The following CERT1 variants were observed in gnomAD, a reference collection of about 807,000 sequenced individuals.
CERT1 encodes ceramide transfer protein.
Under a neutral mutation model 87.9 loss-of-function variants are expected in CERT1, and 31 were observed. The ratio of observed to expected loss-of-function variants is 0.35; its 90% CI spans 0.27 to 0.48. CERT1 has a LOEUF of 0.48. Among genes scored for constraint, CERT1 ranks in the 20% least tolerant of loss-of-function variants. The probability of loss-of-function intolerance (pLI) is 0.99; values close to 1 mark genes in which losing one functional copy is unlikely to be tolerated. For synonymous variants in CERT1, 289 were observed against 250.9 expected, an observed-to-expected ratio of 1.15 and a Z score of -1.44; for missense variants, 487 against 758.0, an observed-to-expected ratio of 0.64 and a Z score of 4.20.
intron 1 of CERT1, among the ~76,000 whole-genome samples, chr5:75,507,765 G>T (rs1279453260): frequency 6.6e-6 from 1 of 152,094 alleles, no homozygotes; most frequent in Non-Finnish European, 1.5e-5. Flanking sequence ...GTAAACTTCA[G>T]TTTCTTTGCC....
At chr5:75,484,210 G>A (rs891052872) in intron 2 of CERT1, among the ~76,000 whole-genome samples, 4 of 149,894 alleles carry the variant, frequency 2.7e-5, no homozygotes, top group Admixed American at 6.7e-5. Flanking sequence ...TGGTAACATC[G>A]AATCTACAAC....
chr5:75,471,895 G>T (rs1208602696), intron 2 of CERT1, among the ~76,000 whole-genome samples: 1 of 151,724 alleles, frequency 6.6e-6, no homozygotes, highest in East Asian at 1.9e-4. Flanking sequence ...AGATACCAAT[G>T]ACATTTTTCA....
At chr5:75,407,425 A>G (rs1762750004) in intron 8 of CERT1, among the ~76,000 whole-genome samples, 1 of 151,832 alleles carries the variant, frequency 6.6e-6, no homozygotes, top group Non-Finnish European at 1.5e-5. Flanking sequence ...TAAAACTTTT[A>G]TATGTCAAAA....
chr5:75,398,816 C>A (rs1054846924), intron 11 of CERT1, among the ~76,000 whole-genome samples: 1 of 152,142 alleles, frequency 6.6e-6, no homozygotes, highest in African/African-American at 2.4e-5. Flanking sequence ...AGGTAATTTG[C>A]ATAAGGAAAA....
intron 8 of CERT1, among the ~76,000 whole-genome samples, chr5:75,403,395 T>C (rs1762577513): frequency 6.6e-6 from 1 of 152,262 alleles, no homozygotes; most frequent in Non-Finnish European, 1.5e-5. Flanking sequence ...GAATTTCATT[T>C]TTAAATGGCT....
In CERT1 at chr5:75,378,917, G is replaced by C. The variant is rs1761438335; in HGVS notation, c.*429C>G. ...TTCAAGGCCAGGCACGGTGGCTCAT[G>C]TCTGTAATCCCAGCACTTTGGGAGG... On this transcript the variant is annotated 3_prime_UTR_variant, in exon 17 of 17. Coordinates refer to ENST00000643780, the MANE Select transcript of CERT1 (RefSeq NM_001379029.1). The C allele has an allele frequency of 6.5e-6, 1 of 153,664 alleles. No homozygotes were observed. Among genetic ancestry groups the C allele is most frequent in the Non-Finnish European group, 1.4e-5 (1 of 69,104 alleles). 9.5% of individuals were successfully genotyped at this position (153,664 alleles called of 1,614,324 possible).
At chr5:75,425,309 C>G in intron 5 of CERT1, 52 bp downstream of exon 5, 1 of 1,550,692 alleles carries the variant, frequency 6.4e-7, no homozygotes, top group Non-Finnish European at 8.8e-7. Context: ...GATCAAGAGG[C>G]TTTTAATCCA....
At chr5:75,397,421 T>C (rs1183793445) in intron 11 of CERT1, among the ~76,000 whole-genome samples, 2 of 152,184 alleles carry the variant, frequency 1.3e-5, no homozygotes, top group Admixed American at 6.5e-5. Flanking sequence ...TGTAAAAATA[T>C]AGGCACCTGC....
At chr5:75,499,994 G>A (rs551777593) in intron 2 of CERT1, among the ~76,000 whole-genome samples, 1 of 152,262 alleles carries the variant, frequency 6.6e-6, no homozygotes, top group African/African-American at 2.4e-5. Context: ...GAGTAGGTTG[G>A]ACCCCTAATC....
At chr5:75,372,069 A>T (rs1301773443) in intron 17 of CERT1, 4 of 152,232 alleles carry the variant, frequency 2.6e-5, no homozygotes, top group African/African-American at 9.6e-5. Flanking sequence ...TTATTTACAG[A>T]ATCAATTGCA....
chr5:75,443,027 A>T (rs1764389650), intron 3 of CERT1, among the ~76,000 whole-genome samples: 1 of 152,144 alleles, frequency 6.6e-6, no homozygotes. Flanking sequence ...GGGTCTTGGA[A>T]CATATACCCT....
At chr5:75,459,381 T>TTA (rs1344469667) in intron 2 of CERT1, among the ~76,000 whole-genome samples, 200 bp from the exon 3 acceptor site, 1 of 152,198 alleles carries the variant, frequency 6.6e-6, no homozygotes, top group Non-Finnish European at 1.5e-5. Flanking sequence ...CTCACTACTC[T>TTA]TACAAATGAG....
At chr5:75,458,827 G>C (rs1765110521) in intron 3 of CERT1, among the ~76,000 whole-genome samples, 1 of 152,204 alleles carries the variant, frequency 6.6e-6, no homozygotes, top group Non-Finnish European at 1.5e-5. Flanking sequence ...TGGGAATACA[G>C]GCGTGAGCCA....
chr5:75,449,376 CTTGAG>C (rs1346307862), intron 3 of CERT1, among the ~76,000 whole-genome samples: 1 of 152,172 alleles, frequency 6.6e-6, no homozygotes, highest in Non-Finnish European at 1.5e-5. Context: ...AATAAAAGCA[CTTGAG>C]TTAAGTATAC....
intron 2 of CERT1, among the ~76,000 whole-genome samples, chr5:75,466,470 C>A (rs755474509): frequency 6.6e-6 from 1 of 152,146 alleles, no homozygotes; most frequent in Non-Finnish European, 1.5e-5. Flanking sequence ...ATAAGATACA[C>A]GAGCTATAAT....
At chr5:75,424,570 C>CAA (rs201463470) in intron 5 of CERT1, among the ~76,000 whole-genome samples, 1 of 77,406 alleles carries the variant, frequency 1.3e-5, no homozygotes, top group Admixed American at 1.5e-4. Context: ...GACTCTGTCT[C>CAA]AAAAAAAAAA....
In CERT1 at chr5:75,500,062, A is replaced by G. The variant is rs142339492; in HGVS notation, c.231+5920T>C. Among the ~76,000 whole-genome samples the G allele has an allele frequency of 2.1e-3, 313 of 152,292 alleles. 1 individual carries two copies. In the East Asian group the frequency reaches 0.027, roughly 13 times the overall value. On this transcript the variant is annotated intron_variant, in intron 2 of 16. Coordinates refer to ENST00000643780, the MANE Select transcript of CERT1 (RefSeq NM_001379029.1). ...ATCTGGAAAAAGACAAATACATAAA[A>G]AGAATGCCATGTGTACATGCAGACA...
intron 2 of CERT1, among the ~76,000 whole-genome samples, chr5:75,463,900 C>T (rs1765342944): frequency 6.6e-6 from 1 of 152,072 alleles, no homozygotes; most frequent in Admixed American, 6.5e-5. Flanking sequence ...GTTGGTTAGG[C>T]ACTTATGCCA....
At chr5:75,438,814 T>C (rs1764194785) in intron 3 of CERT1, among the ~76,000 whole-genome samples, 1 of 152,020 alleles carries the variant, frequency 6.6e-6, no homozygotes. Flanking sequence ...AAAAATAACA[T>C]CTTGGGTCAA....
Sources: gnomAD v4.1 joint callset for allele counts (sites outside exome capture counted in the v4.1 genomes callset) on GRCh38, gnomAD v4.1.1 for gene constraint, MANE v1.5 for transcripts, NCBI Gene and HGNC (gene_info 2026-07-23, HGNC 2026-07-21) for gene names.